Variants in SFI1 observed in about 807,000 individuals in gnomAD.
SFI1 encodes SFI1 centrin binding protein.
SFI1 carries 195 observed loss-of-function variants against 207.5 expected under a neutral mutation model. That is an observed-to-expected ratio of 0.94 (90% CI 0.84 to 1.06). The LOEUF (loss-of-function observed/expected upper bound fraction) is 1.06. Among genes scored for constraint, SFI1 ranks in the 50% least tolerant of loss-of-function variants. The pLI is 0.00. For missense variants in SFI1, 1,634 were observed against 1,588.0 expected (o/e 1.03, Z -0.49); for synonymous variants, 630 against 598.9 (o/e 1.05, Z -0.76).
In SFI1 at chr22:31,601,144, T is replaced by G. The variant is rs924727917; in HGVS notation, c.1545-1068T>G. ...TTTTCTTTACTTTTTTTTTTTTTTT[T>G]TTTTTTGCAACCTCTGTGGCCCAGG... On this transcript the variant is annotated intron_variant, in intron 15 of 32. Coordinates refer to ENST00000400288, the MANE Select transcript of SFI1 (RefSeq NM_001007467.3). Among the ~76,000 whole-genome samples the G allele has an allele frequency of 5.4e-5, 8 of 149,294 alleles. No individual in the cohort carries two copies. In the South Asian group the frequency reaches 6.4e-4, roughly 12 times the overall value.
chr22:31,515,576 G>A (rs967775782), intron 2 of SFI1, among the ~76,000 whole-genome samples: 2 of 149,524 alleles, frequency 1.3e-5, no homozygotes, highest in African/African-American at 4.9e-5. Context: ...GTGTAGACAG[G>A]GTCTTGCTTG....
Position 31,613,184 on chromosome 22 carries a change from C to G in SFI1, c.2533C>G (p.Leu845Val). 1 of 1,613,850 alleles carries G rather than the reference C, an allele frequency of 6.2e-7. No homozygotes were observed. The highest frequency in any genetic ancestry group is 2.2e-5 in the East Asian group (1 of 44,886). ...RQEQRATVRA[L>V]WFWAFSLQAK... is the part of the protein sequence containing the mutation. ...GGAGCAGCGGGCGACAGTGCGGGCCCTGTGGTTCTGGGCCTTCTCGCTGCA... is the reference window on the plus strand; with the variant it reads ...GGAGCAGCGGGCGACAGTGCGGGCCGTGTGGTTCTGGGCCTTCTCGCTGCA... The change falls in exon 25 of 33, where the codon CTG becomes GTG. Residue 845 changes from leucine (L) to valine (V), a missense_variant. Leu to Val is a conservative substitution (Grantham distance 32). Coordinates refer to ENST00000400288, the MANE Select transcript of SFI1 (RefSeq NM_001007467.3).
rs1556236256 is a variant in SFI1 at position 31,589,797 on chromosome 22, T to TG, written c.1544+220_1544+221insG. 7.2e-3 allele frequency among the ~76,000 whole-genome samples: 1,096 copies of TG among 151,404 alleles called. 9 individuals are homozygous for TG. Among genetic ancestry groups the TG allele is most frequent in the Non-Finnish European group, 8.7e-3 (592 of 67,780 alleles). On this transcript the variant is annotated intron_variant, in intron 15 of 32. Coordinates refer to ENST00000400288, the MANE Select transcript of SFI1 (RefSeq NM_001007467.3). ...GTCCATCTTTATTTATTTATTTTTT[T>TG]TGTGTGTGTGTATATATGTATTTAT... is the stretch of plus-strand genomic sequence containing the variant.
At chr22:31,593,037 AC>A (rs1196172196) in intron 15 of SFI1, among the ~76,000 whole-genome samples, 4 of 101,980 alleles carry the variant, frequency 3.9e-5, no homozygotes, top group Non-Finnish European at 3.9e-5. Flanking sequence ...TGGGGGGCTG[AC>A]CCCCCCACCT....
chr22:31,602,893 G>C (rs972385577), intron 17 of SFI1, 108 bp downstream of exon 17: 1 of 1,255,016 alleles, frequency 8.0e-7, no homozygotes. Flanking sequence ...CATTACCCCA[G>C]ACTCTGGTTG....
chr22:31,534,868 C>G (rs943378150), intron 4 of SFI1, among the ~76,000 whole-genome samples: 2 of 149,686 alleles, frequency 1.3e-5, no homozygotes, highest in Non-Finnish European at 3.0e-5. Flanking sequence ...CATATAACTT[C>G]AAATGCTTTT....
At chr22:31,569,598 T>C (rs184226427) in intron 8 of SFI1, among the ~76,000 whole-genome samples, 11 of 152,160 alleles carry the variant, frequency 7.2e-5, no homozygotes, top group Admixed American at 7.2e-4. Context: ...AAACAGAACT[T>C]TAAGTGACCT....
chr22:31,610,790 C>T (rs565299646), intron 22 of SFI1, among the ~76,000 whole-genome samples: 2 of 152,226 alleles, frequency 1.3e-5, no homozygotes, highest in Non-Finnish European at 2.9e-5. Flanking sequence ...CCTCCTCCCC[C>T]CTCAGACTGA....
At chr22:31,567,444 G>T (rs1187293138) in intron 8 of SFI1, among the ~76,000 whole-genome samples, 1 of 152,142 alleles carries the variant, frequency 6.6e-6, no homozygotes. Context: ...AAGAGCTGCT[G>T]GCTCTGAGCA....
intron 6 of SFI1, among the ~76,000 whole-genome samples, chr22:31,551,851 TC>T (rs2060654234): frequency 6.6e-6 from 1 of 152,242 alleles, no homozygotes; most frequent in African/African-American, 2.4e-5. Flanking sequence ...CTTTGTATTG[TC>T]ATTAAAATTT....
chr22:31,608,119 C>T (rs2069376082), intron 22 of SFI1, 86 bp downstream of exon 22: 3 of 1,039,202 alleles, frequency 2.9e-6, no homozygotes, highest in Middle Eastern at 2.1e-4. Flanking sequence ...ATAAGTCTGT[C>T]TCCTCCTCAT....
chr22:31,525,868 T>C (rs2057857400), intron 2 of SFI1, among the ~76,000 whole-genome samples: 1 of 152,160 alleles, frequency 6.6e-6, no homozygotes, highest in South Asian at 2.1e-4. Flanking sequence ...AGCTTTGTGG[T>C]TTATTTTGAA....
Position 31,601,480 on chromosome 22 carries a change from AC to A in SFI1, c.1545-725del, listed in dbSNP as rs551014445. 2.0e-4 allele frequency among the ~76,000 whole-genome samples: 30 copies of A among 151,470 alleles called. No homozygotes were observed. The East Asian group carries it at 4.8e-3, about 24-fold the overall frequency. ...CTTGTTTAAAATACTATTTCCTGGG[AC>A]CCCCCCTCAGACTTGCTCAGTCAGC... On this transcript the variant is annotated intron_variant, in intron 15 of 32. Transcript: ENST00000400288.
intron 4 of SFI1, among the ~76,000 whole-genome samples, chr22:31,536,487 C>T (rs1389950108): frequency 6.6e-6 from 1 of 152,256 alleles, no homozygotes; most frequent in Non-Finnish European, 1.5e-5. Context: ...TCTTGGCTCA[C>T]TGCAACCGCC....
intron 6 of SFI1, among the ~76,000 whole-genome samples, chr22:31,555,525 T>C (rs2061079638): frequency 6.6e-6 from 1 of 152,196 alleles, no homozygotes; most frequent in African/African-American, 2.4e-5. Flanking sequence ...TTCTCAGTTG[T>C]CACGTGCATC....
intron 2 of SFI1, among the ~76,000 whole-genome samples, chr22:31,517,819 C>T (rs574898255): frequency 1.3e-5 from 2 of 152,230 alleles, no homozygotes; most frequent in African/African-American, 2.4e-5. Flanking sequence ...TATACAAAAT[C>T]GTGATGTCTT....
At position 31,603,801 on chromosome 22, in the gene SFI1, C is replaced by T; in HGVS notation, c.1863C>T (p.Ala621=). The change falls in exon 18 of 33, where the codon GCC becomes GCT. Residue 621 remains alanine (A), a synonymous_variant. Transcript: ENST00000400288. ...EFHMAQLLRW[A]WSQWRECLAL... is the part of the protein sequence containing the mutation. ...ACATGGCCCAGCTCCTGCGTTGGGC[C>T]TGGAGCCAGTGGAGGGAGGTAAGGC... The T allele has an allele frequency of 6.4e-7, 1 of 1,568,578 alleles. No individual in the cohort carries two copies. Among genetic ancestry groups the T allele is most frequent in the Non-Finnish European group, 8.6e-7 (1 of 1,166,616 alleles).
intron 1 of SFI1, among the ~76,000 whole-genome samples, chr22:31,499,998 A>C (rs911126069): frequency 2.7e-5 from 4 of 150,480 alleles, no homozygotes; most frequent in Non-Finnish European, 1.5e-5. Context: ...AAAAAAAAAA[A>C]AAAAACATTG....
chr22:31,504,598 G>A (rs368282189), intron 1 of SFI1, among the ~76,000 whole-genome samples: 7 of 152,132 alleles, frequency 4.6e-5, no homozygotes, highest in African/African-American at 1.2e-4. Context: ...CTGTAACAAA[G>A]TACCACAAAC....
Sources: allele counts gnomAD v4.1 joint callset (sites outside exome capture counted in the v4.1 genomes callset), GRCh38; gene constraint gnomAD v4.1.1; transcripts MANE v1.5; gene names NCBI Gene and HGNC (gene_info 2026-07-23, HGNC 2026-07-21).